SMIM23: variants seen among roughly 807,000 people sequenced by gnomAD.
The protein encoded by SMIM23 is small integral membrane protein 23, also known as CTB-78H18.1.
SMIM23 carries 10 observed loss-of-function variants against 12.8 expected under a neutral mutation model. That is an observed-to-expected ratio of 0.78 (90% CI 0.48 to 1.32). The LOEUF (loss-of-function observed/expected upper bound fraction) is 1.32, where lower values mean the gene tolerates loss of function less well. SMIM23 is among the 40% of genes most tolerant of loss of function. SMIM23 has a pLI of 0.00. For synonymous variants in SMIM23, 78 were observed against 80.1 expected, an observed-to-expected ratio of 0.97 and a Z score of 0.14; for missense variants, 184 against 198.2, an observed-to-expected ratio of 0.93 and a Z score of 0.43.
rs754616539 is a variant in SMIM23, at chr5:171,787,319, G to C, written c.105+1343G>C. Among the ~76,000 whole-genome samples, 24 of 152,130 alleles carry C rather than the reference G, an allele frequency of 1.6e-4. No individual in the cohort carries two copies. In the Middle Eastern group the frequency reaches 0.017, roughly 108 times the overall value. ...AGGTGTGAGCCACTTCTTCTTTTTT[G>C]AAAGACTTTGCAGTGTATTTCAAAA... is the stretch of plus-strand genomic sequence containing the variant. On this transcript the variant is annotated intron_variant, in intron 1 of 3. Transcript: ENST00000523047.
At chr5:171,774,576 T>G in the SMIM23 span, 1 of 455,902 alleles carries the variant, frequency 2.2e-6, no homozygotes, top group Non-Finnish European at 4.4e-6. Context: ...CGTAGGCCCA[T>G]GGCACACTGT....
chr5:171,780,683 C>T (rs1755712211), upstream of SMIM23, among the ~76,000 whole-genome samples: 1 of 152,118 alleles, frequency 6.6e-6, no homozygotes, highest in African/African-American at 2.4e-5. Context: ...AGATAAAGCC[C>T]AAGAGCCAGC....
upstream of SMIM23, among the ~76,000 whole-genome samples, chr5:171,784,382 G>A (rs1369143807): frequency 1.3e-5 from 2 of 152,088 alleles, no homozygotes; most frequent in Non-Finnish European, 2.9e-5. Flanking sequence ...GCGGGTGCCT[G>A]TAGTCCCAGA....
upstream of SMIM23, among the ~76,000 whole-genome samples, chr5:171,783,754 T>C (rs1415190425): frequency 6.6e-6 from 1 of 152,178 alleles, no homozygotes; most frequent in African/African-American, 2.4e-5. Context: ...TGTGATGAAG[T>C]TGAAAAGATA....
the SMIM23 span, among the ~76,000 whole-genome samples, chr5:171,773,371 T>TCCTC: frequency 6.9e-4 from 103 of 149,128 alleles, no homozygotes; most frequent in Non-Finnish European, 1.1e-3. Context: ...TGCACGACCT[T>TCCTC]TGAGGTCACT....
At chr5:171,787,896 A>G (rs1448502374) in intron 1 of SMIM23, among the ~76,000 whole-genome samples, 1 of 151,828 alleles carries the variant, frequency 6.6e-6, no homozygotes, top group African/African-American at 2.4e-5. Context: ...TTCTCTTATC[A>G]TTGTGTCTGT....
At chr5:171,772,717 G>A in the SMIM23 span, among the ~76,000 whole-genome samples, 3 of 152,170 alleles carry the variant, frequency 2.0e-5, no homozygotes, top group Admixed American at 6.5e-5. Flanking sequence ...GAGTCCTGAC[G>A]ACTTGAACGT....
chr5:171,776,781 C>T, the SMIM23 span, among the ~76,000 whole-genome samples: 2 of 152,184 alleles, frequency 1.3e-5, no homozygotes, highest in Admixed American at 1.3e-4. Context: ...TCAACAACCC[C>T]ACTGGGGTTT....
At chr5:171,790,727 C>T in intron 3 of SMIM23, 68 bp from the exon 4 acceptor site, 1 of 1,510,800 alleles carries the variant, frequency 6.6e-7, no homozygotes, top group Non-Finnish European at 8.9e-7. Flanking sequence ...TTTTTGAAAC[C>T]AGTGGGGATG....
At chr5:171,779,658 T>C (rs942243187), upstream of SMIM23, among the ~76,000 whole-genome samples, 1 of 152,238 alleles carries the variant, frequency 6.6e-6, no homozygotes, top group African/African-American at 2.4e-5. Flanking sequence ...ATCAGTTTTC[T>C]GGATAGACTT....
chr5:171,787,317 T>A (rs1755837918), intron 1 of SMIM23, among the ~76,000 whole-genome samples: 1 of 152,200 alleles, frequency 6.6e-6, no homozygotes, highest in African/African-American at 2.4e-5. Context: ...TTCTTCTTTT[T>A]TGAAAGACTT....
intron 1 of SMIM23, among the ~76,000 whole-genome samples, chr5:171,786,324 G>T (rs1344703339): frequency 6.6e-6 from 1 of 152,150 alleles, no homozygotes; most frequent in Non-Finnish European, 1.5e-5. Context: ...CGCTCCTGGA[G>T]GATTCATTCT....
In SMIM23 at chr5:171,790,991, A is replaced by G. The variant is rs1455453193; in HGVS notation, c.422A>G (p.Tyr141Cys). 1.3e-6 allele frequency: 2 copies of G among 1,535,712 alleles called. No homozygotes were observed. Among genetic ancestry groups the G allele is most frequent in the African/African-American group, 1.4e-5 (1 of 73,028 alleles). The change falls in exon 4 of 4, where the codon TAT (tyrosine) becomes TGT (cysteine). Residue 141 changes from tyrosine (Y) to cysteine (C), a missense_variant. Physicochemically the swap from Tyr to Cys is radical, Grantham distance 194. Coordinates refer to ENST00000523047, the MANE Select transcript of SMIM23 (RefSeq NM_001289970.2). ...EPHQEEHCST[Y>C]KSHLWEWAWA... is the part of the protein sequence containing the mutation. ...CACCAGGAGGAGCACTGCTCCACAT[A>G]TAAAAGTCACTTGTGGGAGTGGGCC... is the stretch of plus-strand genomic sequence containing the variant.
intron 2 of SMIM23, 80 bp downstream of exon 2, chr5:171,790,361 T>C (rs1473188056): frequency 7.3e-6 from 11 of 1,514,626 alleles, no homozygotes; most frequent in Non-Finnish European, 9.8e-6. Flanking sequence ...GGTTGTATGT[T>C]AAGGGGACCT....
At chr5:171,776,963 C>CA in the SMIM23 span, among the ~76,000 whole-genome samples, 1 of 152,168 alleles carries the variant, frequency 6.6e-6, no homozygotes, top group African/African-American at 2.4e-5. Flanking sequence ...CATTTGTCTG[C>CA]AGACATTCTA....
At chr5:171,773,556 GCCC>G in the SMIM23 span, 1 of 336,346 alleles carries the variant, frequency 3.0e-6, no homozygotes, top group South Asian at 2.3e-5. Flanking sequence ...GGGAGCTGGT[GCCC>G]TCACGGGGCA....
chr5:171,776,247 C>G, the SMIM23 span, among the ~76,000 whole-genome samples: 1 of 142,338 alleles, frequency 7.0e-6, no homozygotes, highest in African/African-American at 2.7e-5. Context: ...AGCCCACGGT[C>G]TCACAGTGAG....
chr5:171,778,117 C>T (rs1304344846), upstream of SMIM23, among the ~76,000 whole-genome samples: 1 of 152,114 alleles, frequency 6.6e-6, no homozygotes, highest in Non-Finnish European at 1.5e-5. Context: ...CCTAGCACTT[C>T]GGGAGGCCGA....
chr5:171,785,346 G>A (rs902071272), upstream of SMIM23, among the ~76,000 whole-genome samples: 4 of 151,856 alleles, frequency 2.6e-5, no homozygotes, highest in Non-Finnish European at 4.4e-5. Context: ...TCTTACAACT[G>A]CATGTGAATC....
Sources: gnomAD v4.1 joint callset for allele counts (sites outside exome capture counted in the v4.1 genomes callset) on GRCh38, gnomAD v4.1.1 for gene constraint, MANE v1.5 for transcripts, NCBI Gene and HGNC (gene_info 2026-07-23, HGNC 2026-07-21) for gene names.